Variants in JARID2 observed in about 807,000 individuals in gnomAD.
The protein encoded by JARID2 is jumonji and AT-rich interaction domain containing 2.
A neutral mutation model predicts 125.6 loss-of-function variants in JARID2; 21 were observed. That is an observed-to-expected ratio of 0.17 (90% confidence interval 0.12 to 0.24). The LOEUF (loss-of-function observed/expected upper bound fraction) is 0.24, where lower values mean the gene tolerates loss of function less well. Ranked by LOEUF, JARID2 falls within the 10% of genes least tolerant of loss-of-function variation. The pLI is 1.00. For synonymous variants in JARID2, 736 were observed against 661.6 expected (o/e 1.11, Z -1.73); for missense variants, 1,303 against 1,639.6 (o/e 0.79, Z 3.55).
intron 17 of JARID2, among the ~76,000 whole-genome samples, chr6:15,518,071 A>G (rs908592294): frequency 2.0e-5 from 3 of 152,232 alleles, no homozygotes; most frequent in African/African-American, 7.2e-5. Context: ...AACTCTTTGC[A>G]TCTGTTTTGT....
At chr6:15,489,452 C>T (rs907455273) in intron 6 of JARID2, among the ~76,000 whole-genome samples, 38 of 152,284 alleles carry the variant, frequency 2.5e-4, no homozygotes, top group African/African-American at 9.1e-4. Flanking sequence ...TGCACGGTCA[C>T]GAATAGGGAT....
At chr6:15,306,328 CT>C (rs398000594) in intron 1 of JARID2, among the ~76,000 whole-genome samples, 19,521 of 99,048 alleles carry the variant, frequency 0.2, 1,035 homozygotes, top group African/African-American at 0.29. Flanking sequence ...AGTCATATTT[CT>C]TTTTTTTTTT....
At chr6:15,319,410 GGAGACA>G (rs1195030046) in intron 1 of JARID2, among the ~76,000 whole-genome samples, 2 of 151,170 alleles carry the variant, frequency 1.3e-5, no homozygotes, top group Admixed American at 1.3e-4. Flanking sequence ...TCTTTTTTTT[GGAGACA>G]GAGTTTCCCT....
At chr6:15,494,042 C>A (rs2127729124) in intron 6 of JARID2, among the ~76,000 whole-genome samples, 1 of 152,258 alleles carries the variant, frequency 6.6e-6, no homozygotes. Flanking sequence ...GCTTCTGCCT[C>A]TTCATGGGGC....
chr6:15,520,089 C>T lies in JARID2; in HGVS notation c.3579C>T (p.Val1193=). The T allele has an allele frequency of 6.2e-7, 1 of 1,612,780 alleles. No individual in the cohort carries two copies. Among genetic ancestry groups the T allele is most frequent in the South Asian group, 1.1e-5 (1 of 90,868 alleles). Residue 1193 remains valine (V), a synonymous_variant, in exon 18 of 18, where the codon GTC becomes GTT. Coordinates refer to ENST00000341776, the MANE Select transcript of JARID2 (RefSeq NM_004973.4). The part of the protein sequence containing the change: ...RYDEEQIISL[V]NQICGKVSGK... ...AACAGGAACAGATTATCAGTCTGGT[C>T]AATCAGATCTGCGGCAAAGTGTCTG...
chr6:15,281,454 T>G (rs542825051), intron 1 of JARID2, among the ~76,000 whole-genome samples: 1 of 152,358 alleles, frequency 6.6e-6, no homozygotes, highest in Admixed American at 6.5e-5. Flanking sequence ...AGTCCCCTTA[T>G]CTCCTATTGT....
At chr6:15,331,925 TA>T (rs58120434) in intron 1 of JARID2, among the ~76,000 whole-genome samples, 336 of 150,256 alleles carry the variant, frequency 2.2e-3, no homozygotes, top group African/African-American at 7.3e-3. Flanking sequence ...ATTCATAAGT[TA>T]AAAAAAAAAT....
chr6:15,473,725 A>G (rs564178893), intron 5 of JARID2, among the ~76,000 whole-genome samples: 460 of 152,244 alleles, frequency 3.0e-3, no homozygotes, highest in Non-Finnish European at 5.0e-3. Flanking sequence ...AAATCCCCAC[A>G]AGCCACTACC....
chr6:15,285,120 T>C (rs1012470841), intron 1 of JARID2, among the ~76,000 whole-genome samples: 8 of 149,136 alleles, frequency 5.4e-5, no homozygotes, highest in African/African-American at 2.0e-4. Flanking sequence ...TTTTTTTTTT[T>C]TTTTTTTGAA....
At chr6:15,389,936 G>GT in intron 2 of JARID2, among the ~76,000 whole-genome samples, 2 of 152,248 alleles carry the variant, frequency 1.3e-5, no homozygotes, top group South Asian at 4.1e-4. Flanking sequence ...AATTTACAGT[G>GT]TATTTCTATT....
At chr6:15,389,503 C>A (rs2299056) in intron 2 of JARID2, among the ~76,000 whole-genome samples, 96,416 of 152,078 alleles carry the variant, frequency 0.63, 30,857 homozygotes, top group South Asian at 0.75. Flanking sequence ...TAGAAGAATG[C>A]ATCTAGAGTG....
At chr6:15,508,774 TGTTTTGTTTC>T (rs1771129477) in intron 12 of JARID2, among the ~76,000 whole-genome samples, 1 of 152,242 alleles carries the variant, frequency 6.6e-6, no homozygotes, top group South Asian at 2.1e-4. Context: ...GTTTTTGTTT[TGTTTTGTTTC>T]GTTTTGTTTT....
chr6:15,404,625 T>C (rs1352696928), intron 2 of JARID2, among the ~76,000 whole-genome samples: 1 of 152,014 alleles, frequency 6.6e-6, no homozygotes, highest in Non-Finnish European at 1.5e-5. Context: ...CTGTTTGATA[T>C]GTAATGTGAT....
At chr6:15,402,228 G>A (rs1213018873) in intron 2 of JARID2, among the ~76,000 whole-genome samples, 2 of 152,162 alleles carry the variant, frequency 1.3e-5, no homozygotes, top group East Asian at 1.9e-4. Flanking sequence ...TACACAAACC[G>A]ATAACTTTAT....
At chr6:15,299,807 A>G (rs1343742857) in intron 1 of JARID2, among the ~76,000 whole-genome samples, 4 of 152,104 alleles carry the variant, frequency 2.6e-5, no homozygotes, top group Non-Finnish European at 4.4e-5. Context: ...TGAAAGAGAT[A>G]AGATATTTAG....
In JARID2 at chr6:15,501,220, C is replaced by A. The variant is rs1770716670; in HGVS notation, c.2259C>A (p.Arg753=). 9 of 1,613,884 alleles carry A rather than the reference C, an allele frequency of 5.6e-6. No homozygotes were observed. In the South Asian group the frequency reaches 8.8e-5, roughly 16 times the overall value. The change falls in exon 8 of 18, where the codon CGC becomes CGA. Residue 753 remains arginine (R), a synonymous_variant. Coordinates refer to ENST00000341776, the MANE Select transcript of JARID2 (RefSeq NM_004973.4). The part of the protein sequence containing the change: ...NDHHKFHPLP[R]FEPKNGLIHG... ...ACCACAAGTTCCACCCTCTGCCCCG[C>A]TTCGAGCCCAAGAATGGGCTCATCC...
intron 7 of JARID2, 42 bp from the exon 8 acceptor site, chr6:15,500,865 C>G: frequency 1.3e-6 from 2 of 1,543,920 alleles, no homozygotes; most frequent in East Asian, 2.3e-5. Context: ...GTTCGTGTCT[C>G]TTTCACTAAC....
rs1435776920 is a variant in JARID2 at position 15,432,955 on chromosome 6, AAC to A, written c.324-19047_324-19046del. Among the ~76,000 whole-genome samples, 4 of 152,322 alleles carry A rather than the reference AAC, an allele frequency of 2.6e-5. No individual in the cohort carries two copies. The East Asian group carries it at 5.8e-4, about 22-fold the overall frequency. On this transcript the variant is annotated intron_variant, in intron 3 of 17. Coordinates refer to ENST00000341776, the MANE Select transcript of JARID2 (RefSeq NM_004973.4). ...CAGAATCATCTGGAGGACTGGTTAA[AAC>A]ACAGACTGGCTAGGTCCTGCCCTGA...
At chr6:15,291,517 A>AG (rs1761214235) in intron 1 of JARID2, among the ~76,000 whole-genome samples, 1 of 152,148 alleles carries the variant, frequency 6.6e-6, no homozygotes, top group Non-Finnish European at 1.5e-5. Context: ...TAAATGAAGA[A>AG]GGGGAGTTTC....
Sources: gnomAD v4.1 joint callset for allele counts (sites outside exome capture counted in the v4.1 genomes callset) on GRCh38, gnomAD v4.1.1 for gene constraint, MANE v1.5 for transcripts, NCBI Gene and HGNC (gene_info 2026-07-23, HGNC 2026-07-21) for gene names.